SYT14: variants seen among roughly 807,000 people sequenced by gnomAD.
SYT14 encodes the protein synaptotagmin-14.
A neutral mutation model predicts 74.2 loss-of-function variants in SYT14; 32 were observed. The ratio of observed to expected loss-of-function variants is 0.43; its 90% confidence interval spans 0.33 to 0.58. The LOEUF (loss-of-function observed/expected upper bound fraction) is 0.58. SYT14 is among the 20% of genes least tolerant of loss of function. The pLI is 0.05. For missense variants in SYT14, 791 were observed against 981.8 expected (o/e 0.81, Z 2.60); for synonymous variants, 298 against 337.7 (o/e 0.88, Z 1.29).
At chr1:210,078,296 C>T (rs2473071) in intron 5 of SYT14, among the ~76,000 whole-genome samples, 41,678 of 114,186 alleles carry the variant, frequency 0.37, 7,547 homozygotes, top group Middle Eastern at 0.43. Flanking sequence ...GGCGACAGAG[C>T]GAGACTCCGT....
chr1:210,051,125 C>A (rs1300151457), intron 5 of SYT14, among the ~76,000 whole-genome samples: 1 of 152,066 alleles, frequency 6.6e-6, no homozygotes, highest in East Asian at 1.9e-4. Context: ...CTCTCTTCAC[C>A]CATAGAACTG....
At chr1:209,983,916 CTA>C (rs1460802685) in intron 2 of SYT14, among the ~76,000 whole-genome samples, 2 of 152,166 alleles carry the variant, frequency 1.3e-5, no homozygotes. Context: ...CCTCCCCAGA[CTA>C]TTTTTGAAAA....
At chr1:209,980,724 T>G (rs1007473063) in intron 2 of SYT14, among the ~76,000 whole-genome samples, 2 of 152,190 alleles carry the variant, frequency 1.3e-5, no homozygotes, top group Admixed American at 6.5e-5. Flanking sequence ...CCATTGCTTG[T>G]TTTTATCAGG....
chr1:209,975,434 C>G (rs1373730092), intron 2 of SYT14, among the ~76,000 whole-genome samples: 1 of 152,128 alleles, frequency 6.6e-6, no homozygotes, highest in Non-Finnish European at 1.5e-5. Context: ...TGAATTTTGT[C>G]AAAGGCCTTT....
chr1:209,977,080 T>C (rs1282802793), intron 2 of SYT14, among the ~76,000 whole-genome samples: 1 of 152,228 alleles, frequency 6.6e-6, no homozygotes, highest in Non-Finnish European at 1.5e-5. Context: ...TCCATCCCTT[T>C]ATTTTGAGCC....
At chr1:209,994,509 A>G (rs2079752400) in intron 2 of SYT14, among the ~76,000 whole-genome samples, 1 of 152,206 alleles carries the variant, frequency 6.6e-6, no homozygotes, top group Non-Finnish European at 1.5e-5. Context: ...GATTAAATCT[A>G]AGACTCATTG....
At chr1:210,067,073 T>C (rs529330147) in intron 5 of SYT14, among the ~76,000 whole-genome samples, 1 of 152,170 alleles carries the variant, frequency 6.6e-6, no homozygotes, top group Admixed American at 6.6e-5. Context: ...TCTTTCCCCA[T>C]TGAATGGCCT....
At chr1:210,066,762 G>A (rs1162612746) in intron 5 of SYT14, among the ~76,000 whole-genome samples, 1 of 152,120 alleles carries the variant, frequency 6.6e-6, no homozygotes, top group Non-Finnish European at 1.5e-5. Context: ...GGCTTTTGTA[G>A]GTATGTCTTT....
At chr1:209,993,046 G>T (rs1361199252) in intron 2 of SYT14, among the ~76,000 whole-genome samples, 1 of 152,190 alleles carries the variant, frequency 6.6e-6, no homozygotes, top group Non-Finnish European at 1.5e-5. Flanking sequence ...ATGCGAGCTG[G>T]CAGAGGGATC....
chr1:209,976,516 G>T (rs2102776408), intron 2 of SYT14, among the ~76,000 whole-genome samples: 1 of 152,112 alleles, frequency 6.6e-6, no homozygotes, highest in Non-Finnish European at 1.5e-5. Context: ...GAGCAGTTTT[G>T]AGTGAGTTTC....
chr1:210,001,635 A>T (rs982597350), intron 2 of SYT14, among the ~76,000 whole-genome samples: 3 of 149,764 alleles, frequency 2.0e-5, no homozygotes, highest in African/African-American at 7.2e-5. Context: ...ATTTTAGAAG[A>T]TAAGAGATAC....
rs190782968 is a variant in SYT14 at position 210,062,941 on chromosome 1, G to A, written c.1313-31381G>A. The stretch of plus-strand genomic sequence containing the variant: ...GTAAATTTGACCGTTTTTCTTTTGC[G>A]TTGATGGTATTTTTCTTCTTGATTC... On this transcript the variant is annotated intron_variant, in intron 5 of 9. Transcript: ENST00000637265. Among the ~76,000 whole-genome samples the A allele has an allele frequency of 1.5e-4, 22 of 149,482 alleles. No individual in the cohort carries two copies. The East Asian group carries it at 3.1e-3, about 21-fold the overall frequency.
chr1:210,139,315 A>G (rs956802174), intron 7 of SYT14, among the ~76,000 whole-genome samples: 2 of 117,420 alleles, frequency 1.7e-5, no homozygotes, highest in African/African-American at 6.8e-5. Flanking sequence ...GGGTTTTGCC[A>G]TGTTGCCCAG....
exon 10 of SYT14, chr1:210,164,252 A>G (rs1397868493): frequency 3.9e-6 from 1 of 258,494 alleles, no homozygotes; most frequent in East Asian, 9.0e-5. Flanking sequence ...ATAATGTTGT[A>G]TTTGCTGACA....
chr1:210,054,484 T>G (rs1358948240), intron 5 of SYT14, among the ~76,000 whole-genome samples: 1 of 152,238 alleles, frequency 6.6e-6, no homozygotes, highest in East Asian at 1.9e-4. Flanking sequence ...AGCCTTTTTC[T>G]TGTTCTTATA....
intron 5 of SYT14, among the ~76,000 whole-genome samples, chr1:210,042,114 A>T (rs2080801940): frequency 1.3e-5 from 2 of 152,002 alleles, no homozygotes; most frequent in Non-Finnish European, 2.9e-5. Flanking sequence ...AGGCAGGGGA[A>T]GGGCTGAGTG....
intron 2 of SYT14, among the ~76,000 whole-genome samples, chr1:209,968,238 C>G (rs969062745): frequency 2.0e-5 from 3 of 152,104 alleles, no homozygotes; most frequent in Non-Finnish European, 4.4e-5. Flanking sequence ...ATGCATAGTC[C>G]TATACTGACA....
Position 209,962,269 on chromosome 1 carries a change from T to TA in SYT14, c.-486+9513_-486+9514insA, listed in dbSNP as rs1337059706. On this transcript the variant is annotated intron_variant, in intron 2 of 9. Coordinates refer to ENST00000637265, the Ensembl canonical transcript of SYT14. The stretch of plus-strand genomic sequence containing the variant: ...TGGTTCTTAGCGTAGATATCTTTTT[T>TA]TTATATATATATATAGCTCAGTGAC... Among the ~76,000 whole-genome samples the TA allele has an allele frequency of 1.1e-4, 17 of 151,756 alleles. No individual in the cohort carries two copies. The East Asian group carries it at 2.3e-3, about 21-fold the overall frequency.
chr1:210,048,417 A>G (rs2080926214), intron 5 of SYT14, among the ~76,000 whole-genome samples: 2 of 152,198 alleles, frequency 1.3e-5, no homozygotes, highest in South Asian at 2.1e-4. Context: ...TCATGGCAGA[A>G]GGTGAAAGGC....
Sources: gnomAD v4.1 joint callset for allele counts (sites outside exome capture counted in the v4.1 genomes callset) on GRCh38, gnomAD v4.1.1 for gene constraint, MANE v1.5 for transcripts, NCBI Gene and HGNC (gene_info 2026-07-23, HGNC 2026-07-21) for gene names.